The following TRPM1 variants were observed in gnomAD, a reference collection of about 807,000 sequenced individuals.
TRPM1 encodes the protein TRPM1-203 APA Isoform, Intron 10.
TRPM1 carries 113 observed loss-of-function variants against 149.4 expected under a neutral mutation model. The ratio of observed to expected loss-of-function variants is 0.76; its 90% CI spans 0.65 to 0.88. The LOEUF (loss-of-function observed/expected upper bound fraction) is 0.88. Among genes scored for constraint, TRPM1 ranks in the 40% least tolerant of loss-of-function variants. The pLI is 0.00. For missense variants in TRPM1, 1,976 were observed against 2,038.7 expected, an observed-to-expected ratio of 0.97 and a Z score of 0.59; for synonymous variants, 741 against 759.5, an observed-to-expected ratio of 0.98 and a Z score of 0.40.
chr15:31,015,550 G>T (rs58083498), intron 27 of TRPM1, among the ~76,000 whole-genome samples: 1 of 151,968 alleles, frequency 6.6e-6, no homozygotes, highest in South Asian at 2.1e-4. Context: ...CAAAAAGATA[G>T]CACAGAAACA....
chr15:31,072,083 CAACCATCATCACAGTT>C (rs1226224017), intron 3 of TRPM1, among the ~76,000 whole-genome samples: 1 of 142,032 alleles, frequency 7.0e-6, no homozygotes, highest in Non-Finnish European at 1.5e-5. Flanking sequence ...CAGATATGTG[CAACCATCATCACAGTT>C]AATTTTCGAA....
chr15:31,140,606 T>G (rs1257433135), intron 1 of TRPM1, among the ~76,000 whole-genome samples: 1 of 152,148 alleles, frequency 6.6e-6, no homozygotes, highest in Non-Finnish European at 1.5e-5. Flanking sequence ...GCTTCTTCTC[T>G]TCCATGTGAT....
chr15:31,056,607 G>A (rs1045353607), intron 11 of TRPM1, among the ~76,000 whole-genome samples: 21 of 152,172 alleles, frequency 1.4e-4, no homozygotes, highest in African/African-American at 4.6e-4. Context: ...GTTGGAAACT[G>A]AATCCCCAGT....
intron 1 of TRPM1, among the ~76,000 whole-genome samples, chr15:31,082,028 T>C (rs2034872033): frequency 1.3e-5 from 2 of 152,236 alleles, no homozygotes; most frequent in Middle Eastern, 3.4e-3. Context: ...TCATAACAAA[T>C]GGCTGAACCC....
Position 31,032,776 on chromosome 15 carries a change from C to T in TRPM1, c.2865G>A (p.Val955=), listed in dbSNP as rs1375744025. ...CACGGATGTACCAGAAGATGATATC[C>T]ACACAGTAGATCACCCGGCCATAGC... The part of the protein sequence containing the change: ...YMGYGRVIYC[V]DIIFWYIRVL... Residue 955 remains valine (V), a synonymous_variant, in exon 22 of 28, where the codon GTG becomes GTA. Coordinates refer to ENST00000256552, the MANE Select transcript of TRPM1 (RefSeq NM_001252024.2). The T allele has an allele frequency of 1.9e-6, 3 of 1,614,156 alleles. No individual in the cohort carries two copies. Among genetic ancestry groups the T allele is most frequent in the South Asian group, 2.2e-5 (2 of 91,074 alleles).
At chr15:31,057,969 T>C (rs568470681) in intron 11 of TRPM1, among the ~76,000 whole-genome samples, 2 of 152,316 alleles carry the variant, frequency 1.3e-5, no homozygotes, top group East Asian at 1.9e-4. Flanking sequence ...TCCGCCATGA[T>C]TGTAAGTGTC....
In TRPM1 at chr15:31,040,899, C is replaced by G. The variant is rs757764680; in HGVS notation, c.2088-553G>C. On this transcript the variant is annotated intron_variant, in intron 17 of 27. Coordinates refer to ENST00000256552, the MANE Select transcript of TRPM1 (RefSeq NM_001252024.2). This position sits in a 1 kb window ranked among gnomAD's most constrained non-coding sequence, Gnocchi z 4.2. ...CCAGCTGGACATTTCGGATGTATGC[C>G]TTTCTCTGCCCGTGTAACACTTCAC... 6.6e-6 allele frequency among the ~76,000 whole-genome samples: 1 copy of G among 152,166 alleles called. No homozygotes were observed. The highest frequency in any genetic ancestry group is 1.5e-5 in the Non-Finnish European group (1 of 68,028).
intron 27 of TRPM1, among the ~76,000 whole-genome samples, chr15:31,015,819 T>C (rs2032338721): frequency 6.6e-6 from 1 of 152,158 alleles, no homozygotes; most frequent in Non-Finnish European, 1.5e-5. Context: ...CCTATAGAGA[T>C]TTCTGTTACT....
chr15:31,043,681 G>T (rs1218915566), intron 16 of TRPM1, among the ~76,000 whole-genome samples: 1 of 152,046 alleles, frequency 6.6e-6, no homozygotes, highest in African/African-American at 2.4e-5. Context: ...GAAATGTTTA[G>T]ATAAACATAG....
Position 31,047,256 on chromosome 15 carries a change from A to G in TRPM1, c.1624-5T>C, listed in dbSNP as rs751179562. ...GTAATCAGGCGGAAGGTTGCTCTGTAAAAGAAGTCTGGTCTCAGGCCCTGT... is the reference window on the plus strand; with the variant it reads ...GTAATCAGGCGGAAGGTTGCTCTGTGAAAGAAGTCTGGTCTCAGGCCCTGT... On this transcript the variant is annotated splice_region_variant and splice_polypyrimidine_tract_variant and intron_variant, in intron 14 of 27. Coordinates refer to ENST00000256552, the MANE Select transcript of TRPM1 (RefSeq NM_001252024.2). The G allele has an allele frequency of 1.9e-6, 3 of 1,614,066 alleles. No homozygotes were observed. The highest frequency in any genetic ancestry group is 1.7e-6 in the Non-Finnish European group (2 of 1,180,024).
chr15:31,038,991 CTTTTTT>C (rs1175210129), intron 18 of TRPM1, among the ~76,000 whole-genome samples: 1 of 131,468 alleles, frequency 7.6e-6, no homozygotes, highest in African/African-American at 2.8e-5. Context: ...CATGCTTCCC[CTTTTTT>C]TTTTTTTTTT....
intron 3 of TRPM1, among the ~76,000 whole-genome samples, chr15:31,071,502 T>C (rs2034538440): frequency 6.6e-6 from 1 of 152,156 alleles, no homozygotes; most frequent in Non-Finnish European, 1.5e-5. Context: ...GCCTTGTCTT[T>C]CCTTTTGTTT....
intron 1 of TRPM1, among the ~76,000 whole-genome samples, chr15:31,159,880 C>G (rs2036423381): frequency 6.6e-6 from 1 of 152,142 alleles, no homozygotes; most frequent in Admixed American, 6.5e-5. Flanking sequence ...CACACTGCTT[C>G]AGCGGCTCCG....
At chr15:31,071,423 C>T (rs1214161231) in intron 3 of TRPM1, among the ~76,000 whole-genome samples, 1 of 152,148 alleles carries the variant, frequency 6.6e-6, no homozygotes, top group East Asian at 1.9e-4. Context: ...GTGTGTAATG[C>T]ACATGTGCAG....
intron 1 of TRPM1, among the ~76,000 whole-genome samples, chr15:31,110,666 C>T (rs2035671977): frequency 6.6e-6 from 1 of 152,144 alleles, no homozygotes; most frequent in Non-Finnish European, 1.5e-5. Context: ...CCCTACGGCT[C>T]AGGATTCAGG....
intron 1 of TRPM1, among the ~76,000 whole-genome samples, chr15:31,129,585 T>C (rs942390855): frequency 2.6e-5 from 4 of 152,200 alleles, no homozygotes; most frequent in African/African-American, 4.8e-5. Flanking sequence ...CCATTTTAAG[T>C]GGTTCAACAT....
chr15:31,081,684 T>C (rs771133574), intron 1 of TRPM1, among the ~76,000 whole-genome samples: 58 of 151,970 alleles, frequency 3.8e-4, no homozygotes, highest in Non-Finnish European at 7.5e-4. Context: ...AGCAGCCCCC[T>C]TCAGTTCTCT....
intron 3 of TRPM1, among the ~76,000 whole-genome samples, chr15:31,072,066 G>T (rs1350142851): frequency 1.5e-5 from 2 of 135,824 alleles, no homozygotes; most frequent in Non-Finnish European, 3.1e-5. Flanking sequence ...ATGGTTTTTA[G>T]TATTGACAGA....
intron 3 of TRPM1, among the ~76,000 whole-genome samples, chr15:31,072,018 T>TATAGAG (rs1400392427): frequency 4.9e-4 from 18 of 36,902 alleles, no homozygotes; most frequent in African/African-American, 8.9e-4. Flanking sequence ...TATATATATA[T>TATAGAG]AGAGAGAGAG....
Sources: allele counts gnomAD v4.1 joint callset (sites outside exome capture counted in the v4.1 genomes callset), GRCh38; gene constraint gnomAD v4.1.1; non-coding constraint Gnocchi (gnomAD v3.1); transcripts MANE v1.5; gene names NCBI Gene and HGNC (gene_info 2026-07-23, HGNC 2026-07-21).